ABHD2: variants seen among roughly 807,000 people sequenced by gnomAD.
ABHD2 encodes monoacylglycerol lipase ABHD2.
ABHD2 carries 20 observed loss-of-function variants against 48.1 expected under a neutral mutation model. The ratio of observed to expected loss-of-function variants is 0.42; its 90% CI spans 0.29 to 0.60. The LOEUF is 0.60. ABHD2 is among the 20% of genes least tolerant of loss of function. The pLI, the probability that ABHD2 is intolerant of heterozygous loss-of-function variation, is 0.24. For synonymous variants in ABHD2, 209 were observed against 214.2 expected (o/e 0.98, Z 0.21); for missense variants, 405 against 550.9 (o/e 0.74, Z 2.65).
intron 5 of ABHD2, among the ~76,000 whole-genome samples, chr15:89,169,375 C>G (rs990229412): frequency 6.6e-5 from 10 of 152,154 alleles, no homozygotes; most frequent in African/African-American, 2.4e-4. Context: ...AGAAGAGAGG[C>G]TGAACACTGT....
intron 5 of ABHD2, among the ~76,000 whole-genome samples, chr15:89,161,364 C>A (rs1261802949): frequency 1.3e-5 from 2 of 152,036 alleles, no homozygotes; most frequent in Non-Finnish European, 2.9e-5. Context: ...CTTCTGGCAT[C>A]CCCTCTCAAA....
chr15:89,079,588 T>C, the ABHD2 span, among the ~76,000 whole-genome samples: 19 of 152,144 alleles, frequency 1.2e-4, no homozygotes, highest in Middle Eastern at 3.4e-3. The surrounding 1 kb of genome is among the most constrained non-coding windows in gnomAD (Gnocchi z 4.3). Context: ...AGGAGCTCCA[T>C]GAACCCTCTC....
intron 6 of ABHD2, chr15:89,183,384 A>AAAAAAAAAAATATATATAT (rs61602174): frequency 2.2e-5 from 1 of 46,268 alleles, no homozygotes; most frequent in Non-Finnish European, 4.2e-5. Flanking sequence ...AAAAAAAAAA[A>AAAAAAAAAAATATATATAT]ATATATATAT....
chr15:89,130,707 C>T (rs1238295299), intron 3 of ABHD2, among the ~76,000 whole-genome samples: 1 of 152,152 alleles, frequency 6.6e-6, no homozygotes, highest in Non-Finnish European at 1.5e-5. Context: ...GATTGCAGCC[C>T]AACACAAATT....
chr15:89,199,809 AACCTCTCACCGCCCCCC>A lies in ABHD2; in HGVS notation c.*4390_*4406del. ...TCTGTTATCTAAGCAGAGGGAAGTA[AACCTCTCACCGCCCCCC>A]ACCCCTCACTGCCCCCGATTACCCT... is the stretch of plus-strand genomic sequence containing the variant. On this transcript the variant is annotated 3_prime_UTR_variant, in exon 11 of 11. Coordinates refer to ENST00000352732, the MANE Select transcript of ABHD2 (RefSeq NM_152924.5). The surrounding 1 kb of genome is among the most constrained non-coding windows in gnomAD (Gnocchi z 4.1). 6.6e-6 allele frequency: 1 copy of A among 152,410 alleles called. No individual in the cohort carries two copies. 9.4% of individuals were successfully genotyped at this position (152,410 alleles called of 1,614,324 possible).
upstream of ABHD2, chr15:89,087,738 C>T (rs1901411890): frequency 6.6e-6 from 1 of 152,282 alleles, no homozygotes; most frequent in Non-Finnish European, 1.5e-5. This position sits in a 1 kb window ranked among gnomAD's most constrained non-coding sequence, Gnocchi z 5.5. Flanking sequence ...TACATTCTTC[C>T]AGGCGGCCTC....
chr15:89,113,095 C>G (rs998858775), intron 1 of ABHD2, among the ~76,000 whole-genome samples: 5 of 152,208 alleles, frequency 3.3e-5, no homozygotes, highest in African/African-American at 1.2e-4. Flanking sequence ...GCTTCTTGCA[C>G]TAGGCTCAGC....
At position 89,091,285 on chromosome 15, in the gene ABHD2, T is replaced by C. The variant is rs1477855804; in HGVS notation, c.-107+2722T>C. Among the ~76,000 whole-genome samples, 1 of 152,240 alleles carries C rather than the reference T, an allele frequency of 6.6e-6. No homozygotes were observed. The highest frequency in any genetic ancestry group is 6.5e-5 in the Admixed American group (1 of 15,276). On this transcript the variant is annotated intron_variant, in intron 1 of 10. Coordinates refer to ENST00000352732, the MANE Select transcript of ABHD2 (RefSeq NM_152924.5). The surrounding 1 kb of genome is among the most constrained non-coding windows in gnomAD (Gnocchi z 5.5). ...TTCTCTTCTGTTTTTACTTGTTTTC[T>C]AGATTGAACCAAAGATTATCACTTC...
the ABHD2 span, among the ~76,000 whole-genome samples, chr15:89,053,087 C>G: frequency 1.3e-5 from 2 of 151,988 alleles, no homozygotes; most frequent in Non-Finnish European, 2.9e-5. Context: ...CCTGCCTCCA[C>G]CCCCGAGTAG....
At chr15:89,086,423 GTTTA>G (rs1257843209), upstream of ABHD2, among the ~76,000 whole-genome samples, 1 of 152,034 alleles carries the variant, frequency 6.6e-6, no homozygotes, top group Non-Finnish European at 1.5e-5. Flanking sequence ...ATGTTATTAT[GTTTA>G]TTTGTCAAAC....
At chr15:89,191,184 C>T (rs369262995) in intron 9 of ABHD2, 35 bp downstream of exon 9, 60 of 1,605,884 alleles carry the variant, frequency 3.7e-5, no homozygotes, top group Non-Finnish European at 4.9e-5. Context: ...ATCAGCATCA[C>T]TCCACCCAGC....
intron 5 of ABHD2, among the ~76,000 whole-genome samples, chr15:89,169,873 T>C (rs1282703434): frequency 8.5e-5 from 13 of 152,060 alleles, no homozygotes; most frequent in Non-Finnish European, 1.5e-5. Context: ...TGAGTGAAAC[T>C]AGATCTTTTT....
chr15:89,135,143 C>CTTTTCTTTTTTTTTTTTTT lies in ABHD2; in HGVS notation c.195-16530_195-16529insCTTTTTTTTTTTTTTTTTT, dbSNP rs1555429068. Among the ~76,000 whole-genome samples the CTTTTCTTTTTTTTTTTTTT allele has an allele frequency of 1.6e-4, 18 of 112,170 alleles. 2 individuals carry two copies. The highest frequency in any genetic ancestry group is 1.9e-4 in the Non-Finnish European group (10 of 52,866). 73.6% of individuals were successfully genotyped at this position (112,170 alleles called of 152,430 possible). A position where few individuals can be genotyped will look rare whatever the true frequency, so the allele number is the denominator to read the frequency against. On this transcript the variant is annotated intron_variant, in intron 3 of 10. Transcript: ENST00000352732. ...GTCAACAAAATGGCTACAACTTTTT[C>CTTTTCTTTTTTTTTTTTTT]TTTTTTTTTTTTTTTTTTGCAATTA...
Position 89,120,036 on chromosome 15 carries a change from C to T in ABHD2, c.194+3515C>T, listed in dbSNP as rs1323913300. ...GACCGCGGGTAGCTGGTTATGATGA[C>T]ATGCGCGGAATCAGGACGTGTCTTC... On this transcript the variant is annotated intron_variant, in intron 3 of 10. Transcript: ENST00000352732. This position sits in a 1 kb window ranked among gnomAD's most constrained non-coding sequence, Gnocchi z 4.2. Among the ~76,000 whole-genome samples the T allele has an allele frequency of 6.6e-6, 1 of 152,150 alleles. No individual in the cohort carries two copies. The highest frequency in any genetic ancestry group is 1.5e-5 in the Non-Finnish European group (1 of 68,046).
Position 89,099,739 on chromosome 15 carries a change from G to T in ABHD2, c.-107+11176G>T, listed in dbSNP as rs139763206. Among the ~76,000 whole-genome samples the T allele has an allele frequency of 3.3e-5, 5 of 151,882 alleles. No individual in the cohort carries two copies. The East Asian group carries it at 7.8e-4, about 24-fold the overall frequency. On this transcript the variant is annotated intron_variant, in intron 1 of 10. Coordinates refer to ENST00000352732, the MANE Select transcript of ABHD2 (RefSeq NM_152924.5). ...GTTCAAGACCATCCTGGCCAACATGGTGAAAAATATAAAACTAAGCTGGGC... is the reference window on the plus strand; with the variant it reads ...GTTCAAGACCATCCTGGCCAACATGTTGAAAAATATAAAACTAAGCTGGGC...
intron 3 of ABHD2, among the ~76,000 whole-genome samples, chr15:89,134,046 G>A (rs1417630698): frequency 1.3e-5 from 2 of 151,964 alleles, no homozygotes; most frequent in Non-Finnish European, 2.9e-5. Flanking sequence ...CACCATGTTA[G>A]CCAGGATGGC....
chr15:89,118,944 T>A (rs909997325), intron 3 of ABHD2, among the ~76,000 whole-genome samples: 5 of 152,120 alleles, frequency 3.3e-5, no homozygotes, highest in Non-Finnish European at 5.9e-5. Flanking sequence ...ACCCACCTCC[T>A]CCTATGGAAG....
At chr15:89,141,109 C>G (rs1464708663) in intron 3 of ABHD2, among the ~76,000 whole-genome samples, 1 of 152,036 alleles carries the variant, frequency 6.6e-6, no homozygotes, top group Non-Finnish European at 1.5e-5. Flanking sequence ...GCTGGGACCA[C>G]AGGCATGTGC....
intron 5 of ABHD2, among the ~76,000 whole-genome samples, chr15:89,170,559 A>G (rs2050909009): frequency 1.3e-5 from 2 of 152,154 alleles, no homozygotes; most frequent in Admixed American, 1.3e-4. Flanking sequence ...AAAGTCCCCA[A>G]AGGCAGAATT....
Sources: gnomAD v4.1 joint callset for allele counts (sites outside exome capture counted in the v4.1 genomes callset) on GRCh38, gnomAD v4.1.1 for gene constraint, Gnocchi (gnomAD v3.1) non-coding constraint, MANE v1.5 for transcripts, NCBI Gene and HGNC (gene_info 2026-07-23, HGNC 2026-07-21) for gene names.